The following ERC2 variants were observed in gnomAD, a reference collection of about 807,000 sequenced individuals.
ERC2 encodes the protein ERC protein 2.
In ERC2, 42 loss-of-function variants were observed where a neutral mutation model predicts 114.8. That is an observed-to-expected ratio of 0.37 (90% CI 0.29 to 0.47). The LOEUF (loss-of-function observed/expected upper bound fraction) is 0.47, where lower values mean the gene tolerates loss of function less well. Among genes scored for constraint, ERC2 ranks in the 20% least tolerant of loss-of-function variants. The pLI is 0.99. For synonymous variants in ERC2, 454 were observed against 425.5 expected (o/e 1.07, Z -0.82); for missense variants, 939 against 1,150.7 (o/e 0.82, Z 2.66).
intron 2 of ERC2, among the ~76,000 whole-genome samples, chr3:56,404,657 A>C (rs1360453932): frequency 1.3e-5 from 2 of 152,180 alleles, no homozygotes; most frequent in Non-Finnish European, 2.9e-5. Flanking sequence ...GCATGCCTGT[A>C]GCAAAACATG....
At chr3:55,957,616 A>G (rs1576356192) in intron 12 of ERC2, among the ~76,000 whole-genome samples, 1 of 152,088 alleles carries the variant, frequency 6.6e-6, no homozygotes, top group East Asian at 1.9e-4. Context: ...TCACACTACC[A>G]CCTCAGATCC....
intron 17 of ERC2, among the ~76,000 whole-genome samples, chr3:55,619,172 GA>G (rs1342014936): frequency 6.6e-6 from 1 of 152,204 alleles, no homozygotes; most frequent in Non-Finnish European, 1.5e-5. Context: ...CTTGCCAACT[GA>G]AAAATCTGGA....
intron 14 of ERC2, among the ~76,000 whole-genome samples, chr3:55,769,991 C>T (rs183505410): frequency 4.4e-4 from 67 of 152,342 alleles, no homozygotes; most frequent in Admixed American, 7.2e-4. Flanking sequence ...AGGAAAAGTA[C>T]ACTTCCTTGC....
At chr3:55,785,096 G>T (rs1365277425) in intron 14 of ERC2, among the ~76,000 whole-genome samples, 1 of 152,172 alleles carries the variant, frequency 6.6e-6, no homozygotes, top group Non-Finnish European at 1.5e-5. Context: ...AAGACTTCTT[G>T]CAAAAGACAT....
intron 14 of ERC2, among the ~76,000 whole-genome samples, chr3:55,761,252 C>G (rs563269900): frequency 2.0e-5 from 3 of 152,276 alleles, no homozygotes; most frequent in African/African-American, 7.2e-5. Context: ...ACATTTTAAG[C>G]TTTACATGTA....
intron 7 of ERC2, among the ~76,000 whole-genome samples, chr3:56,035,259 A>C (rs142266064): frequency 9.9e-4 from 151 of 152,326 alleles, no homozygotes; most frequent in African/African-American, 3.5e-3. Context: ...CACGTAACCT[A>C]CCAAGACTAA....
chr3:55,737,522 G>A (rs553508035), intron 14 of ERC2, among the ~76,000 whole-genome samples: 14 of 152,306 alleles, frequency 9.2e-5, no homozygotes, highest in African/African-American at 3.1e-4. Context: ...CAAGGTGACT[G>A]CAATATTTTA....
chr3:56,105,381 GCAACTCCAAC>G (rs112669275), intron 6 of ERC2, among the ~76,000 whole-genome samples: 25,957 of 151,850 alleles, frequency 0.17, 2,393 homozygotes, highest in African/African-American at 0.23. Flanking sequence ...ACAGATCACT[GCAACTCCAAC>G]CAACTCCAAC....
chr3:55,534,115 C>A (rs943220697), intron 17 of ERC2, among the ~76,000 whole-genome samples: 3 of 152,152 alleles, frequency 2.0e-5, no homozygotes, highest in Non-Finnish European at 4.4e-5. Context: ...GTGATGAGAT[C>A]CTGTACTGAA....
chr3:56,095,745 T>C (rs576062419), intron 6 of ERC2, among the ~76,000 whole-genome samples: 3 of 152,260 alleles, frequency 2.0e-5, no homozygotes, highest in East Asian at 3.9e-4. Flanking sequence ...AGAAAATTAA[T>C]TGATTGCCTG....
intron 17 of ERC2, among the ~76,000 whole-genome samples, chr3:55,551,929 A>G (rs2055236629): frequency 6.6e-6 from 1 of 152,158 alleles, no homozygotes; most frequent in South Asian, 2.1e-4. Flanking sequence ...AAATTGCTAC[A>G]TTTGCTCCAG....
At chr3:55,799,974 C>T (rs1357853864) in intron 14 of ERC2, among the ~76,000 whole-genome samples, 5 of 152,076 alleles carry the variant, frequency 3.3e-5, no homozygotes, top group Non-Finnish European at 5.9e-5. Context: ...TCAGTGAAAA[C>T]AGTGGTAATC....
intron 2 of ERC2, among the ~76,000 whole-genome samples, chr3:56,324,518 G>A (rs1294315090): frequency 6.6e-6 from 1 of 152,086 alleles, no homozygotes; most frequent in African/African-American, 2.4e-5. Context: ...ATGCATACTT[G>A]CACCATCATA....
chr3:55,729,305 C>G (rs967874283), intron 15 of ERC2, among the ~76,000 whole-genome samples: 1 of 152,168 alleles, frequency 6.6e-6, no homozygotes, highest in Non-Finnish European at 1.5e-5. Flanking sequence ...ATTCCGTCTG[C>G]TGGAAAATCC....
intron 2 of ERC2, among the ~76,000 whole-genome samples, chr3:56,354,382 A>G (rs1483156156): frequency 6.6e-6 from 1 of 151,944 alleles, no homozygotes; most frequent in Non-Finnish European, 1.5e-5. Flanking sequence ...AACAGGGGCA[A>G]TTTTGCTCCC....
chr3:56,219,522 C>T (rs919784853), intron 3 of ERC2, among the ~76,000 whole-genome samples: 5 of 151,796 alleles, frequency 3.3e-5, no homozygotes, highest in African/African-American at 1.2e-4. Flanking sequence ...AAGAGGGACA[C>T]AAACGTAAAT....
At chr3:56,342,523 C>T (rs187567640) in intron 2 of ERC2, among the ~76,000 whole-genome samples, 2 of 152,306 alleles carry the variant, frequency 1.3e-5, no homozygotes, top group East Asian at 3.9e-4. Context: ...TCTGAAGAAC[C>T]CATGTCAAAT....
intron 1 of ERC2, among the ~76,000 whole-genome samples, chr3:56,442,489 G>A (rs1450845427): frequency 6.6e-6 from 1 of 152,052 alleles, no homozygotes; most frequent in Non-Finnish European, 1.5e-5. Flanking sequence ...CCAAAGTGCT[G>A]GGATTACAGG....
At chr3:56,431,248 C>G (rs1010393596) in intron 2 of ERC2, among the ~76,000 whole-genome samples, 5 of 152,216 alleles carry the variant, frequency 3.3e-5, no homozygotes, top group Non-Finnish European at 7.3e-5. Context: ...CACCTAGCTC[C>G]ATTTTTGGAA....
Sources: allele counts gnomAD v4.1 joint callset (sites outside exome capture counted in the v4.1 genomes callset), GRCh38; gene constraint gnomAD v4.1.1; transcripts MANE v1.5; gene names NCBI Gene and HGNC (gene_info 2026-07-23, HGNC 2026-07-21).